Variants in CRPPA observed in about 807,000 individuals in gnomAD.
CRPPA encodes D-ribitol-5-phosphate cytidylyltransferase.
A neutral mutation model predicts 52.0 loss-of-function variants in CRPPA; 43 were observed. The ratio of observed to expected loss-of-function variants is 0.83; its 90% confidence interval spans 0.65 to 1.07. The LOEUF (loss-of-function observed/expected upper bound fraction) is 1.07, where lower values mean the gene tolerates loss of function less well. Among genes scored for constraint, CRPPA ranks in the 50% least tolerant of loss-of-function variants. The probability of loss-of-function intolerance (pLI) is 0.00; values close to 1 mark genes in which losing one functional copy is unlikely to be tolerated. For synonymous variants in CRPPA, 250 were observed against 203.5 expected (o/e 1.23, Z -1.94); for missense variants, 629 against 551.7 (o/e 1.14, Z -1.40).
At chr7:16,148,586 T>C (rs527886864) in intron 9 of CRPPA, among the ~76,000 whole-genome samples, 5 of 152,074 alleles carry the variant, frequency 3.3e-5, no homozygotes, top group East Asian at 3.9e-4. Context: ...GCTAAAACAA[T>C]GAGCTCATAT....
chr7:16,096,278 GA>G (rs144530175), intron 9 of CRPPA, among the ~76,000 whole-genome samples: 1 of 148,378 alleles, frequency 6.7e-6, no homozygotes, highest in Non-Finnish European at 1.5e-5. Flanking sequence ...CAAAGATGCA[GA>G]AAAAAAAACA....
At chr7:16,310,497 G>C (rs529643550) in intron 3 of CRPPA, among the ~76,000 whole-genome samples, 1 of 152,198 alleles carries the variant, frequency 6.6e-6, no homozygotes, top group East Asian at 1.9e-4. Flanking sequence ...TAAAGCACTC[G>C]AGAAAATCGA....
In CRPPA at chr7:16,339,057, G is replaced by A. The variant is rs200324349; in HGVS notation, c.685-30430C>T. 6.5e-4 allele frequency among the ~76,000 whole-genome samples: 99 copies of A among 151,816 alleles called. 1 individual carries two copies. The East Asian group carries it at 0.014, about 21-fold the overall frequency. On this transcript the variant is annotated intron_variant, in intron 3 of 9. Coordinates refer to ENST00000407010, the MANE Select transcript of CRPPA (RefSeq NM_001101426.4). The stretch of plus-strand genomic sequence containing the variant: ...CCTGACCTCGTGATCCGCCCGCCTC[G>A]GCCTCCCAAAGTGCTGGGATTACAG...
intron 6 of CRPPA, among the ~76,000 whole-genome samples, chr7:16,273,341 T>G (rs931167573): frequency 6.6e-6 from 1 of 151,274 alleles, no homozygotes; most frequent in Non-Finnish European, 1.5e-5. Context: ...AACCCCAAGC[T>G]CCACTAGCAG....
chr7:16,321,338 G>A (rs1785260412), intron 3 of CRPPA, among the ~76,000 whole-genome samples: 1 of 151,978 alleles, frequency 6.6e-6, no homozygotes. Context: ...TCAAAAGTGA[G>A]ACAACAAAAG....
chr7:16,098,999 A>C (rs1046935868), intron 9 of CRPPA, among the ~76,000 whole-genome samples: 1 of 152,224 alleles, frequency 6.6e-6, no homozygotes, highest in African/African-American at 2.4e-5. Flanking sequence ...TCATCGCACA[A>C]CAGTTTTAGT....
In CRPPA at chr7:16,207,049, C is replaced by T. The variant is rs117798829; in HGVS notation, c.1251+9017G>A. Among the ~76,000 whole-genome samples, 64 of 152,232 alleles carry T rather than the reference C, an allele frequency of 4.2e-4. No homozygotes were observed. The East Asian group carries it at 0.012, about 29-fold the overall frequency. On this transcript the variant is annotated intron_variant, in intron 9 of 9. Coordinates refer to ENST00000407010, the MANE Select transcript of CRPPA (RefSeq NM_001101426.4). ...CTTTCTGATTCTCCGTGAAGAAAGTCCTTTTATAATCCCATTGTGATCAAA... is the reference window on the plus strand; with the variant it reads ...CTTTCTGATTCTCCGTGAAGAAAGTTCTTTTATAATCCCATTGTGATCAAA...
intron 9 of CRPPA, among the ~76,000 whole-genome samples, chr7:16,124,620 A>T (rs571322503): frequency 1.8e-4 from 27 of 152,278 alleles, no homozygotes; most frequent in African/African-American, 6.5e-4. Context: ...AGCTAGACAG[A>T]GGGAATGAGT....
intron 1 of CRPPA, 67 bp downstream of exon 1, chr7:16,420,999 A>G (rs1276077971): frequency 1.7e-5 from 21 of 1,235,800 alleles, no homozygotes; most frequent in Non-Finnish European, 2.1e-5. Context: ...GCGCTAGAGC[A>G]GCGGCAGGGC....
chr7:16,221,656 A>T (rs1583442529), intron 8 of CRPPA, among the ~76,000 whole-genome samples: 4 of 152,244 alleles, frequency 2.6e-5, no homozygotes, highest in South Asian at 2.1e-4. Context: ...GACACTTCTC[A>T]AAAGAAGACA....
intron 8 of CRPPA, among the ~76,000 whole-genome samples, chr7:16,234,970 G>A (rs1230467752): frequency 2.0e-5 from 3 of 152,070 alleles, no homozygotes; most frequent in Non-Finnish European, 2.9e-5. Flanking sequence ...AAATAACTTA[G>A]TATTTCCAGA....
chr7:16,299,570 C>G (rs796826099), intron 5 of CRPPA, among the ~76,000 whole-genome samples: 2 of 152,202 alleles, frequency 1.3e-5, no homozygotes, highest in African/African-American at 4.8e-5. Context: ...AGCAGTGATC[C>G]TCAAAGTGTA....
At chr7:16,288,859 A>G (rs1382401148) in intron 5 of CRPPA, among the ~76,000 whole-genome samples, 2 of 150,130 alleles carry the variant, frequency 1.3e-5, no homozygotes, top group Non-Finnish European at 3.0e-5. Flanking sequence ...AAAAAAAAAA[A>G]AAAAAAAAAA....
At chr7:16,275,672 GA>G (rs1231196321) in intron 6 of CRPPA, among the ~76,000 whole-genome samples, 13 of 149,204 alleles carry the variant, frequency 8.7e-5, no homozygotes, top group Middle Eastern at 3.4e-3. Context: ...CTACAAAAAG[GA>G]AAAAAAAAAT....
chr7:16,106,103 C>A (rs1330557174), intron 9 of CRPPA, among the ~76,000 whole-genome samples: 1 of 152,066 alleles, frequency 6.6e-6, no homozygotes, highest in Non-Finnish European at 1.5e-5. Flanking sequence ...TCACTGTAAC[C>A]CAAAACTCAG....
chr7:16,167,153 C>T (rs1781084592), intron 9 of CRPPA, among the ~76,000 whole-genome samples: 1 of 152,082 alleles, frequency 6.6e-6, no homozygotes, highest in Non-Finnish European at 1.5e-5. Flanking sequence ...GTCTCGATCT[C>T]CTGATCTCGT....
chr7:16,401,641 G>C (rs114404012), intron 2 of CRPPA, among the ~76,000 whole-genome samples: 5 of 152,108 alleles, frequency 3.3e-5, no homozygotes, highest in African/African-American at 1.2e-4. Context: ...AATATTTAAC[G>C]TGTTGGTCCT....
intron 8 of CRPPA, among the ~76,000 whole-genome samples, chr7:16,250,750 G>A (rs1783425777): frequency 6.6e-6 from 1 of 152,088 alleles, no homozygotes; most frequent in Admixed American, 6.6e-5. Context: ...GGAACAACTG[G>A]TTACCAGCCA....
chr7:16,364,603 A>G (rs891085417), intron 3 of CRPPA, among the ~76,000 whole-genome samples: 1 of 152,222 alleles, frequency 6.6e-6, no homozygotes, highest in Non-Finnish European at 1.5e-5. Context: ...TACAGATGTG[A>G]TAGGTAATGT....
Sources: allele counts gnomAD v4.1 joint callset (sites outside exome capture counted in the v4.1 genomes callset), GRCh38; gene constraint gnomAD v4.1.1; transcripts MANE v1.5; gene names NCBI Gene and HGNC (gene_info 2026-07-23, HGNC 2026-07-21).